The following PTPRN2 variants were observed in gnomAD, a reference collection of about 807,000 sequenced individuals.
PTPRN2 encodes the protein receptor-type tyrosine-protein phosphatase N2.
PTPRN2 carries 74 observed loss-of-function variants against 118.8 expected under a neutral mutation model. The observed-to-expected ratio is 0.62, with a 90% CI of 0.52 to 0.76. PTPRN2 has a LOEUF of 0.76. Among genes scored for constraint, PTPRN2 ranks in the 30% least tolerant of loss-of-function variants. The probability of loss-of-function intolerance (pLI) is 0.00; values close to 1 mark genes in which losing one functional copy is unlikely to be tolerated. For missense variants in PTPRN2, 1,481 were observed against 1,394.4 expected, an observed-to-expected ratio of 1.06 and a Z score of -0.99; for synonymous variants, 641 against 608.0, an observed-to-expected ratio of 1.05 and a Z score of -0.80.
intron 2 of PTPRN2, among the ~76,000 whole-genome samples, chr7:158,485,076 G>A (rs1270609699): frequency 6.6e-6 from 1 of 152,094 alleles, no homozygotes; most frequent in African/African-American, 2.4e-5. Context: ...ACCCTGCAAC[G>A]GCCCGCAGGC....
intron 11 of PTPRN2, among the ~76,000 whole-genome samples, chr7:158,035,666 G>A (rs1808045539): frequency 6.6e-6 from 1 of 152,310 alleles, no homozygotes; most frequent in African/African-American, 2.4e-5. Flanking sequence ...AAACACAAAT[G>A]CCTCTCATTA....
intron 14 of PTPRN2, among the ~76,000 whole-genome samples, chr7:157,654,037 C>T (rs1805877229): frequency 7.5e-6 from 1 of 133,134 alleles, no homozygotes; most frequent in Non-Finnish European, 1.6e-5. Flanking sequence ...CCTCTCCCCA[C>T]ACCCACCCCA....
At chr7:157,776,528 C>CT in intron 12 of PTPRN2, among the ~76,000 whole-genome samples, 1 of 118,252 alleles carries the variant, frequency 8.5e-6, no homozygotes, top group Non-Finnish European at 1.8e-5. Flanking sequence ...TCTCCCTCTC[C>CT]TCTCTCTCCT....
intron 3 of PTPRN2, among the ~76,000 whole-genome samples, chr7:158,210,131 C>T (rs1417127610): frequency 2.9e-4 from 31 of 108,660 alleles, no homozygotes; most frequent in African/African-American, 9.1e-4. Flanking sequence ...AATGATGCAT[C>T]TTTTTTTTTT....
intron 1 of PTPRN2, among the ~76,000 whole-genome samples, chr7:158,539,237 T>C (rs550632134): frequency 6.6e-6 from 1 of 152,336 alleles, no homozygotes; most frequent in East Asian, 1.9e-4. Context: ...TTAAATGCAC[T>C]AAGATATTGA....
chr7:157,839,843 G>T (rs1229145849), intron 12 of PTPRN2, among the ~76,000 whole-genome samples: 1 of 149,852 alleles, frequency 6.7e-6, no homozygotes, highest in Admixed American at 6.6e-5. Flanking sequence ...ACGTGTGACT[G>T]TGTGACTGTG....
chr7:158,399,290 G>C (rs995149647), intron 2 of PTPRN2, among the ~76,000 whole-genome samples: 1 of 152,196 alleles, frequency 6.6e-6, no homozygotes, highest in Non-Finnish European at 1.5e-5. Context: ...AGGAGACCCT[G>C]CTGAGCAGTT....
intron 1 of PTPRN2, among the ~76,000 whole-genome samples, chr7:158,566,322 C>G (rs1827671785): frequency 6.6e-6 from 1 of 151,908 alleles, no homozygotes; most frequent in Non-Finnish European, 1.5e-5. Context: ...CCATTGCACT[C>G]CAGCCTGGGT....
chr7:158,581,374 C>T (rs182236366), intron 1 of PTPRN2, among the ~76,000 whole-genome samples: 3 of 152,164 alleles, frequency 2.0e-5, no homozygotes, highest in East Asian at 3.9e-4. Flanking sequence ...TGGGGGTACC[C>T]AGAGGTACAG....
chr7:158,150,330 G>A (rs1195723717), intron 6 of PTPRN2, among the ~76,000 whole-genome samples: 2 of 152,216 alleles, frequency 1.3e-5, no homozygotes, highest in South Asian at 2.1e-4. Flanking sequence ...TGACAAGCAT[G>A]TTCCATTTCT....
chr7:158,071,694 C>CCCG (rs1457820153), intron 11 of PTPRN2, among the ~76,000 whole-genome samples: 1 of 89,884 alleles, frequency 1.1e-5, no homozygotes, highest in African/African-American at 4.6e-5. Context: ...GGTGGAGGTG[C>CCCG]TTGTGGTGGA....
chr7:157,964,176 T>A lies in PTPRN2; in HGVS notation c.1724-65439A>T, dbSNP rs1801738037. 2.0e-5 allele frequency among the ~76,000 whole-genome samples: 3 copies of A among 151,870 alleles called. No individual in the cohort carries two copies. The South Asian group carries it at 6.3e-4, about 32-fold the overall frequency. ...ACACCATGGGGACAGCTGGGTGGGG[T>A]AGTGTTGAGTTCTGGTCCTGGTCCC... On this transcript the variant is annotated intron_variant, in intron 11 of 22. Transcript: ENST00000389418. This position sits in a 1 kb window ranked among gnomAD's most constrained non-coding sequence, Gnocchi z 9.0.
intron 3 of PTPRN2, among the ~76,000 whole-genome samples, chr7:158,261,978 C>T (rs58823827): frequency 0.24 from 36,341 of 152,150 alleles, 4,683 homozygotes; most frequent in Middle Eastern, 0.32. Flanking sequence ...CCCCTCCTCC[C>T]GCGGTGACTG....
At chr7:157,574,817 T>C (rs1799940397) in intron 19 of PTPRN2, among the ~76,000 whole-genome samples, 1 of 152,260 alleles carries the variant, frequency 6.6e-6, no homozygotes, top group Non-Finnish European at 1.5e-5. Context: ...AATGCTTGTC[T>C]AAGTGTGAAG....
chr7:157,880,312 A>G (rs1040833979), intron 12 of PTPRN2, among the ~76,000 whole-genome samples: 1 of 152,136 alleles, frequency 6.6e-6, no homozygotes, highest in Non-Finnish European at 1.5e-5. Context: ...TCATTACTCT[A>G]CCCGCCGCAC....
At chr7:157,576,538 A>G (rs2150524617) in intron 19 of PTPRN2, 75 bp downstream of exon 19, 1 of 1,386,898 alleles carries the variant, frequency 7.2e-7, no homozygotes, top group South Asian at 1.5e-5. Flanking sequence ...GGGGCGTCTC[A>G]GGAGCACCGA....
chr7:158,307,439 G>A (rs1801384668), intron 3 of PTPRN2, among the ~76,000 whole-genome samples: 1 of 152,064 alleles, frequency 6.6e-6, no homozygotes, highest in African/African-American at 2.4e-5. Flanking sequence ...AAACCTGTGA[G>A]AGACCATCCA....
chr7:157,672,301 A>G (rs1436042279), intron 13 of PTPRN2, among the ~76,000 whole-genome samples: 1 of 152,108 alleles, frequency 6.6e-6, no homozygotes, highest in Non-Finnish European at 1.5e-5. Context: ...TCCCCTTCAC[A>G]TTTCAGCTTC....
rs1004122778 is a variant in PTPRN2 at position 157,784,267 on chromosome 7, G to A, written c.1789-101330C>T. Among the ~76,000 whole-genome samples the A allele has an allele frequency of 6.6e-6, 1 of 152,158 alleles. No individual in the cohort carries two copies. Among genetic ancestry groups the A allele is most frequent in the Admixed American group, 6.5e-5 (1 of 15,278 alleles). On this transcript the variant is annotated intron_variant, in intron 12 of 22. Coordinates refer to ENST00000389418, the MANE Select transcript of PTPRN2 (RefSeq NM_002847.5). This position sits in a 1 kb window ranked among gnomAD's most constrained non-coding sequence, Gnocchi z 4.6. ...GAAAGGCACCAACTAGGTCTCAGGAGGCCAAGTGGGGGGCCTGCCCCCACC... is the reference window on the plus strand; with the variant it reads ...GAAAGGCACCAACTAGGTCTCAGGAAGCCAAGTGGGGGGCCTGCCCCCACC...
Sources: gnomAD v4.1 joint callset for allele counts (sites outside exome capture counted in the v4.1 genomes callset) on GRCh38, gnomAD v4.1.1 for gene constraint, Gnocchi (gnomAD v3.1) non-coding constraint, MANE v1.5 for transcripts, NCBI Gene and HGNC (gene_info 2026-07-23, HGNC 2026-07-21) for gene names.